The following CSNK2A2IP variants were observed in gnomAD, a reference collection of about 807,000 sequenced individuals.
The protein encoded by CSNK2A2IP is casein kinase 2 subunit alpha' interacting protein, also known as casein kinase II subunit alpha'-interacting protein.
chr3:88,400,954 TTGAC>T, the CSNK2A2IP span, among the ~76,000 whole-genome samples: 4 of 152,114 alleles, frequency 2.6e-5, no homozygotes, highest in African/African-American at 9.7e-5. Flanking sequence ...AGTAAGAAAT[TTGAC>T]TGAGATGTAG....
the CSNK2A2IP span, chr3:88,467,337 CCTCA>C: frequency 4.3e-5 from 17 of 398,886 alleles, no homozygotes; most frequent in African/African-American, 3.1e-4. Flanking sequence ...AGTTTATGAC[CCTCA>C]CTCTCTCACG....
the CSNK2A2IP span, among the ~76,000 whole-genome samples, chr3:88,392,904 A>T: frequency 6.6e-6 from 1 of 152,162 alleles, no homozygotes; most frequent in Non-Finnish European, 1.5e-5. Context: ...GGAGGTTAAA[A>T]ATGCAGTTGT....
At chr3:88,430,223 A>G in the CSNK2A2IP span, among the ~76,000 whole-genome samples, 46 of 152,196 alleles carry the variant, frequency 3.0e-4, no homozygotes, top group African/African-American at 1.1e-3. Context: ...AATATTGTTA[A>G]TTATTCCTGA....
At chr3:88,392,517 A>G in the CSNK2A2IP span, among the ~76,000 whole-genome samples, 2 of 152,200 alleles carry the variant, frequency 1.3e-5, no homozygotes, top group Non-Finnish European at 2.9e-5. Context: ...CAAAAAGCTA[A>G]GAGAATATGT....
chr3:88,389,722 G>A, the CSNK2A2IP span, among the ~76,000 whole-genome samples: 1 of 151,956 alleles, frequency 6.6e-6, no homozygotes, highest in Non-Finnish European at 1.5e-5. Flanking sequence ...AGGAGAGGTT[G>A]GATTCTGAAT....
At chr3:88,413,345 T>G in the CSNK2A2IP span, among the ~76,000 whole-genome samples, 1 of 151,976 alleles carries the variant, frequency 6.6e-6, no homozygotes, top group Non-Finnish European at 1.5e-5. Context: ...TCTTATACAC[T>G]AAGAGAACTA....
the CSNK2A2IP span, among the ~76,000 whole-genome samples, chr3:88,391,881 G>A: frequency 4.6e-4 from 70 of 152,216 alleles, 1 homozygote; most frequent in African/African-American, 1.6e-3. Flanking sequence ...TGCATTTCAG[G>A]AAAGATGACT....
the CSNK2A2IP span, among the ~76,000 whole-genome samples, chr3:88,387,705 A>G: frequency 6.6e-6 from 1 of 152,340 alleles, no homozygotes; most frequent in Non-Finnish European, 1.5e-5. Context: ...CAAAAATAAT[A>G]TGTTTCCAGA....
the CSNK2A2IP span, among the ~76,000 whole-genome samples, chr3:88,439,607 T>G: frequency 6.6e-6 from 1 of 151,812 alleles, no homozygotes; most frequent in Admixed American, 6.6e-5. Flanking sequence ...CTGAGCATGG[T>G]GGTGCGCACC....
chr3:88,387,123 C>A, the CSNK2A2IP span, among the ~76,000 whole-genome samples: 3 of 150,600 alleles, frequency 2.0e-5, no homozygotes, highest in Non-Finnish European at 3.0e-5. Flanking sequence ...AGCATTGCAA[C>A]AACCACTATC....
the CSNK2A2IP span, among the ~76,000 whole-genome samples, chr3:88,407,214 C>G: frequency 6.7e-6 from 1 of 148,492 alleles, no homozygotes; most frequent in Non-Finnish European, 1.5e-5. Flanking sequence ...CTATCATGTA[C>G]CAGGTATTAC....
the CSNK2A2IP span, among the ~76,000 whole-genome samples, chr3:88,359,839 T>C: frequency 6.6e-6 from 1 of 152,210 alleles, no homozygotes; most frequent in Non-Finnish European, 1.5e-5. Context: ...GTGTATTTTG[T>C]GGCTGTTGGA....
chr3:88,404,591 A>G, the CSNK2A2IP span, among the ~76,000 whole-genome samples: 2 of 148,694 alleles, frequency 1.3e-5, 1 homozygote, highest in Non-Finnish European at 3.0e-5. Flanking sequence ...CTCTCCATTT[A>G]CTCTTTGTTT....
At chr3:88,435,201 C>A in the CSNK2A2IP span, among the ~76,000 whole-genome samples, 1 of 152,144 alleles carries the variant, frequency 6.6e-6, no homozygotes, top group Non-Finnish European at 1.5e-5. Context: ...ATCCATTCTT[C>A]CCCACCTTCC....
At chr3:88,449,874 T>TATATATATAGAGAGAGAGAGAG in the CSNK2A2IP span, among the ~76,000 whole-genome samples, 14 of 70,100 alleles carry the variant, frequency 2.0e-4, no homozygotes, top group African/African-American at 6.1e-4. Flanking sequence ...TATATATATA[T>TATATATATAGAGAGAGAGAGAG]AGAGAGAGAG....
the CSNK2A2IP span, among the ~76,000 whole-genome samples, chr3:88,360,495 T>TC: frequency 1.3e-5 from 2 of 152,138 alleles, no homozygotes; most frequent in Non-Finnish European, 2.9e-5. Flanking sequence ...GCTCTTTTTT[T>TC]TGGTTTTCAT....
At chr3:88,418,300 C>T in the CSNK2A2IP span, among the ~76,000 whole-genome samples, 4 of 152,150 alleles carry the variant, frequency 2.6e-5, no homozygotes, top group South Asian at 2.1e-4. Flanking sequence ...AGAAAAAGAT[C>T]GTGGTGCAGT....
At chr3:88,384,769 A>G in the CSNK2A2IP span, among the ~76,000 whole-genome samples, 1 of 152,200 alleles carries the variant, frequency 6.6e-6, no homozygotes, top group Non-Finnish European at 1.5e-5. Context: ...TTGATAGCTT[A>G]ACTAAGACAG....
the CSNK2A2IP span, chr3:88,465,260 A>C: frequency 1.6e-6 from 1 of 632,084 alleles, no homozygotes; most frequent in Non-Finnish European, 2.3e-6. Flanking sequence ...GTTATGTAAA[A>C]GTATCCATTT....
Sources: allele counts gnomAD v4.1 joint callset (sites outside exome capture counted in the v4.1 genomes callset), GRCh38; gene constraint gnomAD v4.1.1; transcripts MANE v1.5; gene names NCBI Gene and HGNC (gene_info 2026-07-23, HGNC 2026-07-21).